The following CDH18 variants were observed in gnomAD, a reference collection of about 807,000 sequenced individuals.
CDH18 encodes cadherin 18.
CDH18 carries 31 observed loss-of-function variants against 67.9 expected under a neutral mutation model. The ratio of observed to expected loss-of-function variants is 0.46; its 90% CI spans 0.34 to 0.62. The LOEUF is 0.62. CDH18 is among the 20% of genes least tolerant of loss of function. The pLI is 0.01. For missense variants in CDH18, 890 were observed against 975.5 expected (o/e 0.91, Z 1.17); for synonymous variants, 362 against 347.2 (o/e 1.04, Z -0.48).
chr5:20,162,977 TGAAC>T (rs1339526193), intron 2 of CDH18, among the ~76,000 whole-genome samples: 2 of 151,992 alleles, frequency 1.3e-5, no homozygotes, highest in African/African-American at 4.8e-5. Context: ...GAGAATCGCT[TGAAC>T]CCGGGAGGCG....
At position 19,924,094 on chromosome 5, in the gene CDH18, A is replaced by G. The variant is rs560991462; in HGVS notation, c.-257+56966T>C. Among the ~76,000 whole-genome samples the G allele has an allele frequency of 2.6e-5, 4 of 152,316 alleles. No individual in the cohort carries two copies. The South Asian group carries it at 8.3e-4, about 32-fold the overall frequency. ...TATAACCCATACAATGAGTAAAGCT[A>G]TAAATATCATAGTTTTCAACTATGA... On this transcript the variant is annotated intron_variant, in intron 2 of 12. Coordinates refer to ENST00000382275, the MANE Select transcript of CDH18 (RefSeq NM_004934.5).
chr5:20,334,753 T>TACACACACACACACACACACACAC (rs35282241), intron 1 of CDH18, among the ~76,000 whole-genome samples: 1 of 138,348 alleles, frequency 7.2e-6, no homozygotes, highest in African/African-American at 2.6e-5. Flanking sequence ...CTCTCTCTCA[T>TACACACACACACACACACACACAC]ACACACACAC....
intron 2 of CDH18, among the ~76,000 whole-genome samples, chr5:20,240,308 C>A (rs1477186786): frequency 6.6e-6 from 1 of 151,812 alleles, no homozygotes; most frequent in Non-Finnish European, 1.5e-5. Context: ...CTGATTTGAT[C>A]AAAAAATCAA....
intron 1 of CDH18, among the ~76,000 whole-genome samples, chr5:20,270,508 A>G (rs948395861): frequency 6.6e-6 from 1 of 152,158 alleles, no homozygotes; most frequent in Non-Finnish European, 1.5e-5. Context: ...TTGTGGAGAA[A>G]AAAGGAATGC....
At chr5:20,198,215 C>A (rs190613709) in intron 2 of CDH18, among the ~76,000 whole-genome samples, 3 of 152,216 alleles carry the variant, frequency 2.0e-5, no homozygotes, top group Non-Finnish European at 4.4e-5. Context: ...CTTTGGAACT[C>A]GGTAACAGAC....
chr5:19,879,545 G>T (rs1007316917), intron 2 of CDH18, among the ~76,000 whole-genome samples: 11 of 151,838 alleles, frequency 7.2e-5, no homozygotes, highest in Non-Finnish European at 1.6e-4. Context: ...GAATTAAATA[G>T]AACTTAAAAA....
chr5:19,600,375 A>T (rs1298443447), intron 6 of CDH18, among the ~76,000 whole-genome samples: 1 of 151,650 alleles, frequency 6.6e-6, no homozygotes, highest in Non-Finnish European at 1.5e-5. Context: ...AAAAATAAAT[A>T]AGCCTCTAGA....
At chr5:20,517,016 T>G (rs1291166033) in intron 1 of CDH18, among the ~76,000 whole-genome samples, 1 of 151,990 alleles carries the variant, frequency 6.6e-6, no homozygotes, top group Non-Finnish European at 1.5e-5. Context: ...AAGCACATTT[T>G]GTAGTCTTTG....
intron 2 of CDH18, among the ~76,000 whole-genome samples, chr5:19,841,132 A>C (rs543411302): frequency 6.6e-6 from 1 of 152,292 alleles, no homozygotes; most frequent in African/African-American, 2.4e-5. Context: ...GGTTAGTAAT[A>C]GTGCTTACTT....
chr5:20,431,504 A>AAAAAAAAAAAAGAAG (rs536468948), intron 1 of CDH18, among the ~76,000 whole-genome samples: 11 of 138,732 alleles, frequency 7.9e-5, no homozygotes, highest in African/African-American at 1.3e-4. Flanking sequence ...AAAAAAAAAA[A>AAAAAAAAAAAAGAAG]AAGAAGAAGA....
chr5:20,212,057 CTAGAG>C (rs1740396619), intron 2 of CDH18, among the ~76,000 whole-genome samples: 1 of 152,028 alleles, frequency 6.6e-6, no homozygotes, highest in African/African-American at 2.4e-5. Flanking sequence ...GAATGGCTAA[CTAGAG>C]TAAACAGCAT....
rs543296895 is a variant in CDH18, at chr5:20,291,535, A to G, written c.-579-36030T>C. ...AAAATCAGTTCAGCAGAGCAGTGGA[A>G]GCAGAAAGAATATTTCCACAGGTTG... is the stretch of plus-strand genomic sequence containing the variant. On this transcript the variant is annotated intron_variant, in intron 1 of 14. Transcript: ENST00000507958. Among the ~76,000 whole-genome samples, 3 of 152,186 alleles carry G rather than the reference A, an allele frequency of 2.0e-5. No homozygotes were observed. In the South Asian group the frequency reaches 6.2e-4, roughly 32 times the overall value.
chr5:20,211,336 G>A (rs1481381921), intron 2 of CDH18, among the ~76,000 whole-genome samples: 1 of 152,108 alleles, frequency 6.6e-6, no homozygotes, highest in Non-Finnish European at 1.5e-5. Context: ...TGAACCAAAT[G>A]CAGCAGAAAC....
intron 9 of CDH18, among the ~76,000 whole-genome samples, chr5:19,538,024 G>A (rs1454653603): frequency 6.6e-6 from 1 of 152,140 alleles, no homozygotes; most frequent in Non-Finnish European, 1.5e-5. Flanking sequence ...GTATTGATAG[G>A]TTTTGGTTAT....
At chr5:19,755,272 A>G (rs966918302) in intron 3 of CDH18, among the ~76,000 whole-genome samples, 1 of 150,300 alleles carries the variant, frequency 6.7e-6, no homozygotes, top group Non-Finnish European at 1.5e-5. Flanking sequence ...TTGATTGACC[A>G]TTAGCAAGAT....
At chr5:19,648,296 T>C (rs927547904) in intron 5 of CDH18, among the ~76,000 whole-genome samples, 1 of 152,018 alleles carries the variant, frequency 6.6e-6, no homozygotes, top group African/African-American at 2.4e-5. Context: ...CCAGCTTTAA[T>C]CCCAGCTACT....
chr5:20,488,676 TATATATA>T (rs1561056247), intron 1 of CDH18, among the ~76,000 whole-genome samples: 6 of 41,804 alleles, frequency 1.4e-4, no homozygotes, highest in African/African-American at 5.2e-4. Flanking sequence ...TAGTGTTTTA[TATATATA>T]TATATATATA....
At position 20,450,211 on chromosome 5, in the gene CDH18, G is replaced by A. The variant is rs952386891; in HGVS notation, c.-580+125251C>T. On this transcript the variant is annotated intron_variant, in intron 1 of 14. Coordinates refer to the CDH18 transcript ENST00000507958. The stretch of plus-strand genomic sequence containing the variant: ...AAAACAAAAAAATTAGCCAGACGTG[G>A]TGGCACACGCCTGTAATCCCAGCTA... Among the ~76,000 whole-genome samples the A allele has an allele frequency of 4.6e-5, 7 of 152,162 alleles. No homozygotes were observed. In the East Asian group the frequency reaches 1.4e-3, roughly 29 times the overall value.
At chr5:20,397,822 T>C (rs1237106701) in intron 1 of CDH18, among the ~76,000 whole-genome samples, 1 of 152,162 alleles carries the variant, frequency 6.6e-6, no homozygotes, top group Non-Finnish European at 1.5e-5. Context: ...TCATAGTAAG[T>C]CTTAAAAATC....
Sources: allele counts gnomAD v4.1 joint callset (sites outside exome capture counted in the v4.1 genomes callset), GRCh38; gene constraint gnomAD v4.1.1; transcripts MANE v1.5; gene names NCBI Gene and HGNC (gene_info 2026-07-23, HGNC 2026-07-21).